Variants in MYO5B observed in about 807,000 individuals in gnomAD.
The protein encoded by MYO5B is myosin VB.
Under a neutral mutation model 229.3 loss-of-function variants are expected in MYO5B, and 143 were observed. The ratio of observed to expected loss-of-function variants is 0.62; its 90% CI spans 0.54 to 0.72. MYO5B has a LOEUF of 0.72. Among genes scored for constraint, MYO5B ranks in the 30% least tolerant of loss-of-function variants. The probability of loss-of-function intolerance (pLI) is 0.00; values close to 1 mark genes in which losing one functional copy is unlikely to be tolerated. For missense variants in MYO5B, 2,321 were observed against 2,331.0 expected (o/e 1.00, Z 0.09); for synonymous variants, 918 against 885.2 (o/e 1.04, Z -0.66).
intron 1 of MYO5B, among the ~76,000 whole-genome samples, chr18:50,098,445 T>C (rs1357468219): frequency 6.6e-6 from 1 of 152,160 alleles, no homozygotes; most frequent in Non-Finnish European, 1.5e-5. Context: ...AATACCAAAA[T>C]ATCTACTGGT....
At chr18:49,976,041 A>G (rs146335807) in intron 9 of MYO5B, among the ~76,000 whole-genome samples, 8 of 152,320 alleles carry the variant, frequency 5.3e-5, no homozygotes, top group African/African-American at 1.9e-4. Flanking sequence ...GTTGTTATTC[A>G]TTCTCTCACC....
At chr18:49,886,438 C>T (rs1234470157) in intron 22 of MYO5B, among the ~76,000 whole-genome samples, 3 of 152,048 alleles carry the variant, frequency 2.0e-5, no homozygotes, top group African/African-American at 7.2e-5. Context: ...TTGAGAGCTG[C>T]TGGTCTTATG....
chr18:49,943,849 A>T (rs1480995554), intron 14 of MYO5B, among the ~76,000 whole-genome samples: 1 of 152,186 alleles, frequency 6.6e-6, no homozygotes. Context: ...ATGCGACTAA[A>T]TCGGGGGTCT....
At chr18:50,018,303 C>CTTT (rs1598956988) in intron 4 of MYO5B, among the ~76,000 whole-genome samples, 1 of 44,416 alleles carries the variant, frequency 2.3e-5, no homozygotes. Flanking sequence ...TTTTTTTTTG[C>CTTT]TTGATGATAC....
Position 50,122,296 on chromosome 18 carries a change from C to T in MYO5B, c.28-66918G>A, listed in dbSNP as rs544151453. ...TAGAAATGTGGTTCTTCTTTGGTGGCGCTTAATTTAAAAACAGAACCCTGG... is the reference window on the plus strand; with the variant it reads ...TAGAAATGTGGTTCTTCTTTGGTGGTGCTTAATTTAAAAACAGAACCCTGG... On this transcript the variant is annotated intron_variant, in intron 1 of 39. Coordinates refer to ENST00000285039, the MANE Select transcript of MYO5B (RefSeq NM_001080467.3). 5.3e-5 allele frequency among the ~76,000 whole-genome samples: 8 copies of T among 151,754 alleles called. No homozygotes were observed. The South Asian group carries it at 6.3e-4, about 12-fold the overall frequency.
chr18:50,032,525 G>A (rs2026401090), intron 4 of MYO5B, among the ~76,000 whole-genome samples: 1 of 152,160 alleles, frequency 6.6e-6, no homozygotes. Flanking sequence ...TATCAATGTG[G>A]TAGCATGTAT....
At chr18:49,900,453 T>C (rs1033834291) in intron 21 of MYO5B, among the ~76,000 whole-genome samples, 2 of 152,170 alleles carry the variant, frequency 1.3e-5, no homozygotes, top group African/African-American at 4.8e-5. Context: ...CCTGTAGAAC[T>C]AACACAGAGA....
chr18:49,831,321 G>A (rs536803327), intron 39 of MYO5B, among the ~76,000 whole-genome samples: 3 of 152,088 alleles, frequency 2.0e-5, no homozygotes, highest in African/African-American at 7.2e-5. Flanking sequence ...TATCAAGAAA[G>A]TGAAAAGACA....
At chr18:50,064,187 G>T (rs1190882965) in intron 1 of MYO5B, 1 of 152,966 alleles carries the variant, frequency 6.5e-6, no homozygotes. Flanking sequence ...AAATCCCCGA[G>T]TCTGAATTGA....
intron 16 of MYO5B, among the ~76,000 whole-genome samples, chr18:49,931,686 G>A (rs1432920626): frequency 3.3e-5 from 5 of 152,254 alleles, no homozygotes; most frequent in East Asian, 1.9e-4. Context: ...TACCAGGGGC[G>A]GCAATGACCA....
At chr18:49,910,452 A>AC (rs1230555465) in intron 18 of MYO5B, among the ~76,000 whole-genome samples, 1 of 152,136 alleles carries the variant, frequency 6.6e-6, no homozygotes, top group Non-Finnish European at 1.5e-5. Flanking sequence ...TGTCCATAAA[A>AC]AGTAAGATGT....
intron 1 of MYO5B, among the ~76,000 whole-genome samples, chr18:50,177,197 A>G (rs1370818681): frequency 6.6e-6 from 1 of 152,162 alleles, no homozygotes; most frequent in Non-Finnish European, 1.5e-5. Flanking sequence ...ATCCAAAAAT[A>G]AGCTTCAGCA....
intron 12 of MYO5B, among the ~76,000 whole-genome samples, chr18:49,958,288 C>A (rs571874265): frequency 6.6e-6 from 1 of 152,224 alleles, no homozygotes; most frequent in African/African-American, 2.4e-5. Flanking sequence ...TTGATCTCGA[C>A]AACTCCTAAA....
chr18:49,843,171 A>G (rs996709546), intron 34 of MYO5B, 70 bp downstream of exon 34: 68 of 1,593,560 alleles, frequency 4.3e-5, no homozygotes, highest in Non-Finnish European at 5.5e-5. Flanking sequence ...CCAGACACAG[A>G]GAAGCAACAG....
intron 10 of MYO5B, among the ~76,000 whole-genome samples, chr18:49,968,098 C>A (rs2025646985): frequency 6.6e-6 from 1 of 152,136 alleles, no homozygotes; most frequent in African/African-American, 2.4e-5. Flanking sequence ...AAGTCACAGT[C>A]CCTGCCCAGA....
chr18:50,173,492 G>A (rs1344287821), intron 1 of MYO5B, among the ~76,000 whole-genome samples: 1 of 152,196 alleles, frequency 6.6e-6, no homozygotes, highest in Non-Finnish European at 1.5e-5. Flanking sequence ...TCTGGCTGCT[G>A]CACAGAGAAC....
At chr18:49,981,903 C>T (rs1441317488) in intron 8 of MYO5B, among the ~76,000 whole-genome samples, 2 of 152,192 alleles carry the variant, frequency 1.3e-5, no homozygotes, top group Admixed American at 6.5e-5. Context: ...CAGGACAAGA[C>T]AGGAAGCTAG....
At chr18:50,191,285 C>G (rs922826139) in intron 1 of MYO5B, among the ~76,000 whole-genome samples, 3 of 152,152 alleles carry the variant, frequency 2.0e-5, no homozygotes, top group Non-Finnish European at 4.4e-5. Flanking sequence ...AATCAAGACC[C>G]TAAATGATTA....
intron 15 of MYO5B, 95 bp from the exon 16 acceptor site, chr18:49,936,444 C>T: frequency 3.4e-6 from 3 of 884,978 alleles, no homozygotes; most frequent in South Asian, 1.4e-5. Context: ...GTTATTGTTA[C>T]TATTATATTA....
Sources: gnomAD v4.1 joint callset for allele counts (sites outside exome capture counted in the v4.1 genomes callset) on GRCh38, gnomAD v4.1.1 for gene constraint, MANE v1.5 for transcripts, NCBI Gene and HGNC (gene_info 2026-07-23, HGNC 2026-07-21) for gene names.